The following MYRIP variants were observed in gnomAD, a reference collection of about 807,000 sequenced individuals.
MYRIP encodes the protein rab effector MyRIP.
MYRIP carries 49 observed loss-of-function variants against 98.0 expected under a neutral mutation model. The observed-to-expected ratio is 0.50, with a 90% CI of 0.40 to 0.63. The LOEUF (loss-of-function observed/expected upper bound fraction) is 0.63. MYRIP is among the 30% of genes least tolerant of loss of function. The pLI, the probability that MYRIP is intolerant of heterozygous loss-of-function variation, is 0.00. For missense variants in MYRIP, 1,004 were observed against 1,058.2 expected, an observed-to-expected ratio of 0.95 and a Z score of 0.71; for synonymous variants, 404 against 409.5, an observed-to-expected ratio of 0.99 and a Z score of 0.16.
At chr3:40,201,155 G>A (rs1951550641) in intron 10 of MYRIP, among the ~76,000 whole-genome samples, 1 of 152,152 alleles carries the variant, frequency 6.6e-6, no homozygotes, top group South Asian at 2.1e-4. Flanking sequence ...GCAAACTCAG[G>A]CATAAATTGG....
intron 11 of MYRIP, among the ~76,000 whole-genome samples, chr3:40,230,492 T>G (rs1465141877): frequency 6.6e-6 from 1 of 152,210 alleles, no homozygotes; most frequent in Non-Finnish European, 1.5e-5. Context: ...ACATTTACAT[T>G]ACAAGTCAGT....
At position 40,250,303 on chromosome 3, in the gene MYRIP, C is replaced by G. The variant is rs759560655; in HGVS notation, c.2344C>G (p.Arg782Gly). 1.2e-6 allele frequency: 2 copies of G among 1,613,924 alleles called. No individual in the cohort carries two copies. The highest frequency in any genetic ancestry group is 1.7e-6 in the Non-Finnish European group (2 of 1,179,910). Residue 782 changes from arginine to glycine, a missense_variant, in exon 14 of 17, where the codon CGG becomes GGG. Coordinates refer to ENST00000302541, the MANE Select transcript of MYRIP (RefSeq NM_015460.4). ...ACCATGTGTGCGCTTCACAAGAAGA[C>G]GGGATCAGAAGCAAAGGACCCAGGT... ...IAPCVRFTRR[R>G]DQKQRTQVQT...
At chr3:39,957,132 C>A (rs1457516584) in intron 2 of MYRIP, among the ~76,000 whole-genome samples, 2 of 151,802 alleles carry the variant, frequency 1.3e-5, no homozygotes, top group South Asian at 4.1e-4. Flanking sequence ...CCTTCTGAAA[C>A]TATTCCAATC....
chr3:39,871,228 C>T (rs186905018), intron 1 of MYRIP, among the ~76,000 whole-genome samples: 1 of 152,140 alleles, frequency 6.6e-6, no homozygotes, highest in Non-Finnish European at 1.5e-5. Context: ...TTGAATATGG[C>T]CCAATTAAGT....
chr3:40,205,090 C>T (rs1295897867), intron 10 of MYRIP, among the ~76,000 whole-genome samples: 3 of 152,132 alleles, frequency 2.0e-5, no homozygotes, highest in Non-Finnish European at 4.4e-5. Flanking sequence ...TGGAGCCCCC[C>T]TTCGGCCTCC....
At chr3:40,116,581 C>A (rs920437281) in intron 3 of MYRIP, among the ~76,000 whole-genome samples, 6 of 152,188 alleles carry the variant, frequency 3.9e-5, no homozygotes, top group Non-Finnish European at 8.8e-5. Context: ...TTTAGTCTGG[C>A]CCAATTTTGA....
intron 2 of MYRIP, among the ~76,000 whole-genome samples, chr3:40,004,735 G>A (rs761978947): frequency 2.6e-5 from 4 of 152,034 alleles, no homozygotes; most frequent in Admixed American, 6.6e-5. Context: ...GTAATATATG[G>A]TTTTTCATTC....
intron 2 of MYRIP, among the ~76,000 whole-genome samples, chr3:39,952,409 G>A (rs74849920): frequency 6.6e-6 from 1 of 151,980 alleles, no homozygotes; most frequent in African/African-American, 2.4e-5. Flanking sequence ...TTTGTGACAT[G>A]CTTTTTCTGT....
chr3:40,055,669 A>C (rs187329994), intron 3 of MYRIP, among the ~76,000 whole-genome samples: 5 of 152,288 alleles, frequency 3.3e-5, no homozygotes, highest in Non-Finnish European at 7.4e-5. Context: ...GATAATCCCC[A>C]TTGTAATCAT....
intron 2 of MYRIP, among the ~76,000 whole-genome samples, chr3:39,947,082 A>T (rs1362323241): frequency 3.9e-5 from 6 of 152,190 alleles, no homozygotes; most frequent in Non-Finnish European, 8.8e-5. Flanking sequence ...TCAGCTTTTA[A>T]TATAACAGTT....
At chr3:40,172,540 T>C (rs1950640153) in intron 8 of MYRIP, among the ~76,000 whole-genome samples, 1 of 152,172 alleles carries the variant, frequency 6.6e-6, no homozygotes, top group Admixed American at 6.5e-5. Context: ...GACGTGGACA[T>C]AGCTATTGCT....
At chr3:40,052,925 T>C (rs1331610930) in intron 3 of MYRIP, among the ~76,000 whole-genome samples, 1 of 152,134 alleles carries the variant, frequency 6.6e-6, no homozygotes, top group Non-Finnish European at 1.5e-5. Flanking sequence ...ATAATCACTA[T>C]GTAATAAGGA....
intron 2 of MYRIP, among the ~76,000 whole-genome samples, chr3:39,997,096 G>T (rs1207773023): frequency 6.6e-6 from 1 of 151,932 alleles, no homozygotes; most frequent in African/African-American, 2.4e-5. Context: ...GATCTAAAAT[G>T]GACACCCTAA....
rs1035541350 is a variant in MYRIP at position 40,044,057 on chromosome 3, A to C, written c.118A>C (p.Lys40Gln). ...CCTACCTTGGTTTCCCAGTGAGCTG[A>C]AGCAGAAGCTGGATGAGGAAGGCAG... is the stretch of plus-strand genomic sequence containing the variant. ...KKEEERLSEL[K>Q]QKLDEEGSKC... The change falls in exon 3 of 17, where the codon AAG becomes CAG. Residue 40 changes from lysine (K) to glutamine (Q), a missense_variant. Lys to Gln is a moderately conservative substitution (Grantham distance 53). Around this residue, in one of 3 missense-constraint regions of MYRIP, gnomAD observed 880 missense variants for 907.7 expected, o/e 0.97. Coordinates refer to ENST00000302541, the MANE Select transcript of MYRIP (RefSeq NM_015460.4). The C allele has an allele frequency of 1.9e-6, 3 of 1,613,626 alleles. No homozygotes were observed. The highest frequency in any genetic ancestry group is 1.7e-5 in the Admixed American group (1 of 59,976).
intron 2 of MYRIP, among the ~76,000 whole-genome samples, chr3:40,020,349 G>A (rs1946964116): frequency 6.6e-6 from 1 of 152,188 alleles, no homozygotes; most frequent in South Asian, 2.1e-4. Flanking sequence ...AGTTGCAGCT[G>A]TTTAAGTTAC....
At chr3:40,251,773 T>C (rs1000665835) in intron 15 of MYRIP, 108 bp from the exon 16 acceptor site, 1 of 734,042 alleles carries the variant, frequency 1.4e-6, no homozygotes, top group Non-Finnish European at 2.4e-6. Flanking sequence ...AGGAATGAGA[T>C]TCCAAGTCTA....
At chr3:40,201,324 A>T (rs2125647011) in intron 10 of MYRIP, among the ~76,000 whole-genome samples, 1 of 152,320 alleles carries the variant, frequency 6.6e-6, no homozygotes. Context: ...ATTAGTAATG[A>T]GAAAACACAC....
chr3:40,041,048 G>GAAAAAATTAC (rs1947517611), intron 2 of MYRIP, among the ~76,000 whole-genome samples: 1 of 36,830 alleles, frequency 2.7e-5, no homozygotes, highest in Non-Finnish European at 6.4e-5. Context: ...AAAAATCAAA[G>GAAAAAATTAC]CAATGGCTTG....
At chr3:40,044,969 G>T (rs972898578) in intron 3 of MYRIP, among the ~76,000 whole-genome samples, 1 of 152,196 alleles carries the variant, frequency 6.6e-6, no homozygotes, top group African/African-American at 2.4e-5. Flanking sequence ...GGAAACTGAT[G>T]AGTATGATAA....
Sources: allele counts gnomAD v4.1 joint callset (sites outside exome capture counted in the v4.1 genomes callset), GRCh38; gene constraint gnomAD v4.1.1; regional missense constraint gnomAD v4.1.1; transcripts MANE v1.5; gene names NCBI Gene and HGNC (gene_info 2026-07-23, HGNC 2026-07-21).